The following TRUB1 variants were observed in gnomAD, a reference collection of about 807,000 sequenced individuals.
TRUB1 encodes the protein pseudouridylate synthase TRUB1.
A neutral mutation model predicts 33.9 loss-of-function variants in TRUB1; 23 were observed. The observed-to-expected ratio is 0.68, with a 90% CI of 0.49 to 0.96. TRUB1 has a LOEUF of 0.96. Ranked by LOEUF, TRUB1 falls within the 40% of genes least tolerant of loss-of-function variation. The probability of loss-of-function intolerance (pLI) is 0.00; values close to 1 mark genes in which losing one functional copy is unlikely to be tolerated. For missense variants in TRUB1, 378 were observed against 422.2 expected (o/e 0.90, Z 0.92); for synonymous variants, 163 against 165.4 (o/e 0.99, Z 0.11).
chr10:114,951,886 G>A (rs1019462729), intron 3 of TRUB1, among the ~76,000 whole-genome samples: 1 of 152,138 alleles, frequency 6.6e-6, no homozygotes, highest in African/African-American at 2.4e-5. Context: ...AATAAACTTT[G>A]TTTTAAAACT....
At chr10:114,942,353 C>A (rs766721296) in intron 1 of TRUB1, among the ~76,000 whole-genome samples, 1 of 152,042 alleles carries the variant, frequency 6.6e-6, no homozygotes, top group Admixed American at 6.5e-5. Context: ...TAGATTTTTG[C>A]GGGTTAGCTT....
intron 2 of TRUB1, among the ~76,000 whole-genome samples, chr10:114,949,616 A>G (rs2084225431): frequency 6.6e-6 from 1 of 152,158 alleles, no homozygotes; most frequent in South Asian, 2.1e-4. Flanking sequence ...TGTGAAAAAT[A>G]GGGTTTCAGA....
At chr10:114,956,427 T>A (rs116603104) in intron 3 of TRUB1, among the ~76,000 whole-genome samples, 294 of 152,318 alleles carry the variant, frequency 1.9e-3, no homozygotes, top group African/African-American at 7.0e-3. Flanking sequence ...TCCATGTCTT[T>A]TTTCTTCTAT....
At chr10:114,965,869 G>A (rs1010289475) in intron 4 of TRUB1, among the ~76,000 whole-genome samples, 4 of 151,738 alleles carry the variant, frequency 2.6e-5, no homozygotes, top group East Asian at 3.9e-4. Flanking sequence ...TATGACCTTC[G>A]TTTTATTTTG....
intron 3 of TRUB1, among the ~76,000 whole-genome samples, chr10:114,954,753 A>T (rs996220463): frequency 1.3e-5 from 2 of 152,172 alleles, no homozygotes; most frequent in African/African-American, 4.8e-5. Context: ...TGCTCATTAA[A>T]TACTGTTATT....
chr10:114,942,035 C>T lies in TRUB1; in HGVS notation c.287-610C>T, dbSNP rs544716404. ...TCCTGACCTCGTGATCCGCCCGCTT[C>T]GGCCTCTCAAAGTGCTGGGATTACA... On this transcript the variant is annotated intron_variant, in intron 1 of 7. Transcript: ENST00000298746. 3.3e-5 allele frequency among the ~76,000 whole-genome samples: 5 copies of T among 152,286 alleles called. No homozygotes were observed. The East Asian group carries it at 7.8e-4, about 24-fold the overall frequency.
chr10:114,954,015 C>G (rs541279841), intron 3 of TRUB1, among the ~76,000 whole-genome samples: 4 of 152,152 alleles, frequency 2.6e-5, no homozygotes, highest in African/African-American at 9.6e-5. Flanking sequence ...CTTTATCCAA[C>G]TCTAACCCTA....
At chr10:114,970,344 G>A (rs748011216) in intron 4 of TRUB1, 24 bp from the exon 5 acceptor site, 2 of 1,539,544 alleles carry the variant, frequency 1.3e-6, no homozygotes, top group Admixed American at 3.4e-5. Flanking sequence ...TTGTTTTAGT[G>A]TCTTTTTTGT....
intron 2 of TRUB1, among the ~76,000 whole-genome samples, chr10:114,949,133 C>G (rs1409855731): frequency 2.6e-5 from 4 of 152,202 alleles, no homozygotes; most frequent in African/African-American, 9.6e-5. Context: ...TTCTTGAGCA[C>G]TGTGATTTTT....
At chr10:114,953,173 A>C (rs1016966158) in intron 3 of TRUB1, among the ~76,000 whole-genome samples, 2 of 152,196 alleles carry the variant, frequency 1.3e-5, no homozygotes, top group Non-Finnish European at 2.9e-5. Context: ...ATGTAAATAC[A>C]TCATTGACTC....
At chr10:114,942,093 T>G (rs1172129714) in intron 1 of TRUB1, among the ~76,000 whole-genome samples, 1 of 152,080 alleles carries the variant, frequency 6.6e-6, no homozygotes, top group African/African-American at 2.4e-5. Flanking sequence ...CTAGATTCGC[T>G]TCTTTAATGA....
Position 114,962,922 on chromosome 10 carries a change from A to G in TRUB1, c.523+3115A>G, listed in dbSNP as rs545779122. Among the ~76,000 whole-genome samples, 234 of 152,344 alleles carry G rather than the reference A, an allele frequency of 1.5e-3. 1 individual carries two copies. Among genetic ancestry groups the G allele is most frequent in the Admixed American group, 2.8e-3 (43 of 15,308 alleles). On this transcript the variant is annotated intron_variant, in intron 4 of 7. Coordinates refer to ENST00000298746, the MANE Select transcript of TRUB1 (RefSeq NM_139169.5). Reference sequence around the variant, plus strand: ...ACTGCAGATAAGCCGGGAAAGGCAAAGCATCTTCCTGCCTTCTGCTGCTGT... The same window carrying G: ...ACTGCAGATAAGCCGGGAAAGGCAAGGCATCTTCCTGCCTTCTGCTGCTGT...
chr10:114,960,675 G>A (rs2084281362), intron 4 of TRUB1, among the ~76,000 whole-genome samples: 1 of 151,980 alleles, frequency 6.6e-6, no homozygotes, highest in Non-Finnish European at 1.5e-5. Context: ...GCAACATAAT[G>A]AAAAGAAAAA....
intron 3 of TRUB1, among the ~76,000 whole-genome samples, chr10:114,958,219 G>C (rs1241922378): frequency 6.6e-6 from 1 of 152,180 alleles, no homozygotes; most frequent in Non-Finnish European, 1.5e-5. Context: ...CCTGTGGTAT[G>C]CTTAGTCGAG....
Position 114,939,821 on chromosome 10 carries a change from C to CTT in TRUB1, c.286+1285_286+1286dup, listed in dbSNP as rs199856592. ...GATTTGTTAGCTAAACTCTGGGTTT[C>CTT]TTTTCTTTTTTTTTTTTTTTTATCC... On this transcript the variant is annotated intron_variant, in intron 1 of 7. Coordinates refer to ENST00000298746, the MANE Select transcript of TRUB1 (RefSeq NM_139169.5). Among the ~76,000 whole-genome samples, 60 of 103,468 alleles carry CTT rather than the reference C, an allele frequency of 5.8e-4. 2 individuals are homozygous for CTT. The highest frequency in any genetic ancestry group is 2.2e-3 in the African/African-American group (50 of 22,594). 67.9% of individuals were successfully genotyped at this position (103,468 alleles called of 152,430 possible). A position where few individuals can be genotyped will look rare whatever the true frequency, so the allele number is the denominator to read the frequency against.
chr10:114,960,346 G>A (rs1471402966), intron 4 of TRUB1, among the ~76,000 whole-genome samples: 2 of 152,126 alleles, frequency 1.3e-5, no homozygotes, highest in Admixed American at 6.5e-5. Flanking sequence ...TTTCACTACC[G>A]TAAGGAAGAA....
chr10:114,949,401 T>C (rs2084224429), intron 2 of TRUB1, among the ~76,000 whole-genome samples: 1 of 152,218 alleles, frequency 6.6e-6, no homozygotes, highest in Non-Finnish European at 1.5e-5. Flanking sequence ...GAGGACAGAC[T>C]GTTTTTGATC....
intron 3 of TRUB1, among the ~76,000 whole-genome samples, chr10:114,954,212 C>T (rs991865205): frequency 2.0e-5 from 3 of 152,108 alleles, no homozygotes; most frequent in Admixed American, 1.3e-4. Context: ...GATGGAGTTA[C>T]GTCAAGAGTA....
intron 2 of TRUB1, among the ~76,000 whole-genome samples, chr10:114,949,035 T>A (rs967013104): frequency 6.6e-6 from 1 of 152,258 alleles, no homozygotes; most frequent in East Asian, 1.9e-4. Flanking sequence ...TTTGCCCTGC[T>A]TTGGCAGCGG....
Sources: allele counts gnomAD v4.1 joint callset (sites outside exome capture counted in the v4.1 genomes callset), GRCh38; gene constraint gnomAD v4.1.1; transcripts MANE v1.5; gene names NCBI Gene and HGNC (gene_info 2026-07-23, HGNC 2026-07-21).